The following FRYL variants were observed in gnomAD, a reference collection of about 807,000 sequenced individuals.
FRYL encodes the protein protein furry homolog-like.
In FRYL, 150 loss-of-function variants were observed where a neutral mutation model predicts 351.2. The observed-to-expected ratio is 0.43, with a 90% CI of 0.37 to 0.49. The LOEUF (loss-of-function observed/expected upper bound fraction) is 0.49, where lower values mean the gene tolerates loss of function less well. Ranked by LOEUF, FRYL falls within the 20% of genes least tolerant of loss-of-function variation. The probability of loss-of-function intolerance (pLI) is 0.00; values close to 1 mark genes in which losing one functional copy is unlikely to be tolerated. For missense variants in FRYL, 3,036 were observed against 3,619.3 expected, an observed-to-expected ratio of 0.84 and a Z score of 4.13; for synonymous variants, 1,153 against 1,257.1, an observed-to-expected ratio of 0.92 and a Z score of 1.75.
At chr4:48,722,302 T>C (rs758013862) in intron 1 of FRYL, among the ~76,000 whole-genome samples, 2 of 152,202 alleles carry the variant, frequency 1.3e-5, no homozygotes, top group Non-Finnish European at 2.9e-5. Flanking sequence ...TTTACCAAAA[T>C]ACAGATTTCC....
chr4:48,730,838 A>T (rs1359420219), intron 1 of FRYL, among the ~76,000 whole-genome samples: 1 of 152,212 alleles, frequency 6.6e-6, no homozygotes, highest in African/African-American at 2.4e-5. Context: ...AGCTAGCATC[A>T]TAATGACAGG....
chr4:48,749,847 C>T (rs1480785431), intron 1 of FRYL, among the ~76,000 whole-genome samples: 2 of 152,050 alleles, frequency 1.3e-5, no homozygotes, highest in Non-Finnish European at 2.9e-5. Flanking sequence ...AAGAAACCTC[C>T]CTGGGCCAGG....
intron 20 of FRYL, among the ~76,000 whole-genome samples, chr4:48,582,181 C>T (rs1741091071): frequency 6.6e-6 from 1 of 152,064 alleles, no homozygotes; most frequent in Non-Finnish European, 1.5e-5. Context: ...TCAAATAACC[C>T]AAATGGAAGA....
At chr4:48,572,125 CT>C (rs1738467292) in intron 26 of FRYL, 1 of 344,810 alleles carries the variant, frequency 2.9e-6, no homozygotes, top group South Asian at 1.2e-4. Context: ...TCTCCCTCTC[CT>C]GCTTAAATTC....
chr4:48,662,294 T>C (rs1760894188), intron 3 of FRYL, among the ~76,000 whole-genome samples: 1 of 151,600 alleles, frequency 6.6e-6, no homozygotes, highest in Non-Finnish European at 1.5e-5. Flanking sequence ...ATTTAAAAAT[T>C]AGGACCTGTA....
chr4:48,548,903 C>G (rs1732052682), intron 39 of FRYL, 110 bp from the exon 40 acceptor site: 1 of 617,350 alleles, frequency 1.6e-6, no homozygotes, highest in African/African-American at 1.9e-5. Context: ...TGGAAAAATA[C>G]AACTTATCAA....
intron 2 of FRYL, among the ~76,000 whole-genome samples, chr4:48,707,178 T>A (rs187763447): frequency 3.5e-4 from 53 of 152,342 alleles, no homozygotes; most frequent in African/African-American, 1.2e-3. Context: ...TATTGCAAAT[T>A]CTTTTTCATT....
At chr4:48,515,306 TA>T (rs1358957184) in intron 55 of FRYL, 31 bp from the exon 56 acceptor site, 1 of 1,507,884 alleles carries the variant, frequency 6.6e-7, no homozygotes, top group Non-Finnish European at 9.0e-7. Context: ...TAGTGAACTA[TA>T]AACACATAAA....
chr4:48,744,289 T>A (rs1219952434), intron 1 of FRYL, among the ~76,000 whole-genome samples: 1 of 152,120 alleles, frequency 6.6e-6, no homozygotes. Context: ...AAAGGTGAAT[T>A]TTATGGTATA....
In FRYL at chr4:48,609,027, C is replaced by T; in HGVS notation, c.532G>A (p.Asp178Asn). 3.7e-6 allele frequency: 6 copies of T among 1,609,812 alleles called. No individual in the cohort carries two copies. Among genetic ancestry groups the T allele is most frequent in the Non-Finnish European group, 5.1e-6 (6 of 1,176,604 alleles). The change falls in exon 9 of 64, where the codon GAT becomes AAT. Residue 178 changes from aspartate to asparagine, a missense_variant. Around this residue, in one of 7 missense-constraint regions of FRYL, gnomAD observed 457 missense variants for 566.6 expected, o/e 0.81. Transcript: ENST00000358350. ...TNTGNVHIIA[D>N]LYAEVIGVLA... The stretch of plus-strand genomic sequence containing the variant: ...ACCCCTATCACCTCTGCATATAAAT[C>T]AGCAATAATATGCACATTCCCAGTG...
At chr4:48,531,374 C>CGTG in intron 49 of FRYL, 21 bp from the exon 50 acceptor site, 1 of 1,540,820 alleles carries the variant, frequency 6.5e-7, no homozygotes, top group Middle Eastern at 1.7e-4. Context: ...AAATAATTGA[C>CGTG]ACGTAAAAGT....
chr4:48,519,087 TA>T (rs1724321223), intron 55 of FRYL, among the ~76,000 whole-genome samples: 1 of 152,206 alleles, frequency 6.6e-6, no homozygotes, highest in African/African-American at 2.4e-5. Context: ...CTTGAAAGGA[TA>T]AAAATTTGAA....
At chr4:48,654,367 T>G (rs1758385565) in intron 3 of FRYL, among the ~76,000 whole-genome samples, 1 of 151,870 alleles carries the variant, frequency 6.6e-6, no homozygotes, top group Non-Finnish European at 1.5e-5. Flanking sequence ...CAACATCAGT[T>G]TCCTCTAGGT....
At chr4:48,536,718 C>T (rs1212033962) in intron 47 of FRYL, among the ~76,000 whole-genome samples, 1 of 152,188 alleles carries the variant, frequency 6.6e-6, no homozygotes, top group Non-Finnish European at 1.5e-5. Flanking sequence ...TTTTCCTTTT[C>T]CTTATTCTTC....
At chr4:48,560,911 C>T (rs554142391) in intron 33 of FRYL, among the ~76,000 whole-genome samples, 1 of 152,284 alleles carries the variant, frequency 6.6e-6, no homozygotes, top group African/African-American at 2.4e-5. Context: ...AAAGGACCCA[C>T]AGCAGAACTC....
chr4:48,587,835 G>A (rs185417182), intron 18 of FRYL, among the ~76,000 whole-genome samples: 229 of 152,150 alleles, frequency 1.5e-3, no homozygotes, highest in African/African-American at 5.2e-3. Context: ...ATGAGTCACC[G>A]CGCCTGGCCT....
intron 3 of FRYL, chr4:48,637,670 C>G (rs1443625316): frequency 6.6e-6 from 1 of 151,928 alleles, no homozygotes; most frequent in East Asian, 1.9e-4. Flanking sequence ...ATAAACAGGA[C>G]CTGAATAATT....
At chr4:48,690,325 C>T (rs1765572489) in intron 2 of FRYL, among the ~76,000 whole-genome samples, 1 of 152,046 alleles carries the variant, frequency 6.6e-6, no homozygotes, top group South Asian at 2.1e-4. Flanking sequence ...ATTTGTACTG[C>T]TCATGAATTT....
At chr4:48,718,768 A>G (rs1279837857) in intron 1 of FRYL, among the ~76,000 whole-genome samples, 2 of 151,220 alleles carry the variant, frequency 1.3e-5, no homozygotes, top group East Asian at 3.9e-4. Context: ...ATTTTTTTTC[A>G]CATATCTCTC....
Sources: gnomAD v4.1 joint callset for allele counts (sites outside exome capture counted in the v4.1 genomes callset) on GRCh38, gnomAD v4.1.1 for gene constraint, gnomAD v4.1.1 regional missense constraint, MANE v1.5 for transcripts, NCBI Gene and HGNC (gene_info 2026-07-23, HGNC 2026-07-21) for gene names.